HLF: variants seen among roughly 807,000 people sequenced by gnomAD.
HLF encodes the protein hepatic leukemia factor.
In HLF, 3 loss-of-function variants were observed where a neutral mutation model predicts 22.6. That is an observed-to-expected ratio of 0.13 (90% CI 0.06 to 0.34). HLF has a LOEUF of 0.34. Ranked by LOEUF, HLF falls within the 10% of genes least tolerant of loss-of-function variation. The pLI, the probability that HLF is intolerant of heterozygous loss-of-function variation, is 1.00. For synonymous variants in HLF, 151 were observed against 151.8 expected (o/e 0.99, Z 0.04); for missense variants, 299 against 389.2 (o/e 0.77, Z 1.95).
At chr17:55,315,173 G>C in intron 2 of HLF, 54 bp from the exon 3 acceptor site, 2 of 1,345,664 alleles carry the variant, frequency 1.5e-6, no homozygotes, top group Non-Finnish European at 2.1e-6. Flanking sequence ...TTAAGTAGCT[G>C]CCTACTGGGT....
At chr17:55,318,539 C>T (rs1232230682) in intron 3 of HLF, among the ~76,000 whole-genome samples, 1 of 152,120 alleles carries the variant, frequency 6.6e-6, no homozygotes, top group African/African-American at 2.4e-5. Flanking sequence ...AATTGTCTTA[C>T]ACCACATCAA....
chr17:55,305,628 T>C (rs866426897), intron 2 of HLF, among the ~76,000 whole-genome samples: 3 of 152,232 alleles, frequency 2.0e-5, no homozygotes, highest in Non-Finnish European at 4.4e-5. Flanking sequence ...TGTATGACTT[T>C]AAGCAGGTGG....
chr17:55,266,166 G>C (rs1279027873), intron 1 of HLF: 1 of 152,336 alleles, frequency 6.6e-6, no homozygotes, highest in Non-Finnish European at 1.5e-5. Flanking sequence ...TGGGGGCTGG[G>C]GCCGGTGGGG....
rs185364707 is a variant in HLF, at chr17:55,310,998, T to C, written c.452-4229T>C. Among the ~76,000 whole-genome samples, 914 of 152,248 alleles carry C rather than the reference T, an allele frequency of 6.0e-3. 8 individuals carry two copies. Among genetic ancestry groups the C allele is most frequent in the African/African-American group, 0.021 (866 of 41,546 alleles). The stretch of plus-strand genomic sequence containing the variant: ...CCACAAAAAATAAAAATGGAGAGCA[T>C]ACTGTGGGTGTATTCAATATTTTAA... On this transcript the variant is annotated intron_variant, in intron 2 of 3. Coordinates refer to ENST00000226067, the MANE Select transcript of HLF (RefSeq NM_002126.5).
intron 2 of HLF, among the ~76,000 whole-genome samples, chr17:55,304,827 A>G (rs1175750156): frequency 6.6e-6 from 1 of 152,138 alleles, no homozygotes; most frequent in African/African-American, 2.4e-5. Flanking sequence ...CTCCCACTTG[A>G]CAGATAAGGG....
Position 55,267,788 on chromosome 17 carries a change from T to G in HLF, c.153T>G (p.Asp51Glu), listed in dbSNP as rs1321023256. ...SKDKDKEKKL[D>E]DESNSPTVPQ... ...ATAAAGACAAGGAAAAGAAGCTGGA[T>G]GATGAGAGTAACAGCCCGACGGTCC... Residue 51 changes from aspartate (D) to glutamate (E), a missense_variant, in exon 2 of 4, where the codon GAT becomes GAG. This residue lies in a region of HLF where 72 missense variants were observed against 74.0 expected (regional missense o/e 0.97). Transcript: ENST00000226067. 1 of 1,598,924 alleles carries G rather than the reference T, an allele frequency of 6.3e-7. No homozygotes were observed. The highest frequency in any genetic ancestry group is 1.3e-5 in the African/African-American group (1 of 74,532).
chr17:55,267,551 T>G (rs1427617071), intron 1 of HLF, 200 bp from the exon 2 acceptor site: 1 of 526,488 alleles, frequency 1.9e-6, no homozygotes, highest in African/African-American at 1.9e-5. Context: ...CCAAAGTAAA[T>G]AGGAAGATGT....
chr17:55,314,007 T>G (rs1210352489), intron 2 of HLF, among the ~76,000 whole-genome samples: 1 of 152,160 alleles, frequency 6.6e-6, no homozygotes, highest in African/African-American at 2.4e-5. Context: ...TAAAGAATAC[T>G]TCACACATTG....
chr17:55,299,970 C>A (rs1327801945), intron 2 of HLF, among the ~76,000 whole-genome samples: 1 of 152,110 alleles, frequency 6.6e-6, no homozygotes, highest in Non-Finnish European at 1.5e-5. Flanking sequence ...GTAGCTAGGA[C>A]TACGGACACA....
intron 2 of HLF, among the ~76,000 whole-genome samples, chr17:55,289,166 G>T (rs760555669): frequency 3.3e-5 from 5 of 152,196 alleles, no homozygotes; most frequent in Non-Finnish European, 7.3e-5. Context: ...AGAATGGCAT[G>T]TCTCCCCATG....
chr17:55,293,172 T>C (rs2081080642), intron 2 of HLF, among the ~76,000 whole-genome samples: 1 of 152,216 alleles, frequency 6.6e-6, no homozygotes, highest in Non-Finnish European at 1.5e-5. Context: ...TGATCAATGA[T>C]CCCAGTTACT....
rs192622205 is a variant in HLF at position 55,320,113 on chromosome 17, A to G, written c.673-551A>G. ...TTTTTCCTCATTTTTTCTACTGCAC[A>G]TAATGCTGCAGTGAACAGTTTATGC... On this transcript the variant is annotated intron_variant, in intron 3 of 3. Transcript: ENST00000226067. The surrounding 1 kb of genome is among the most constrained non-coding windows in gnomAD (Gnocchi z 4.2). Among the ~76,000 whole-genome samples the G allele has an allele frequency of 4.6e-5, 7 of 152,312 alleles. No individual in the cohort carries two copies. Among genetic ancestry groups the G allele is most frequent in the Admixed American group, 4.6e-4 (7 of 15,306 alleles).
intron 2 of HLF, among the ~76,000 whole-genome samples, chr17:55,269,404 C>G (rs2080831205): frequency 6.6e-6 from 1 of 152,092 alleles, no homozygotes; most frequent in African/African-American, 2.4e-5. Context: ...ATGTGCGGTA[C>G]CACTATCTTC....
At position 55,320,993 on chromosome 17, in the gene HLF, C is replaced by A; in HGVS notation, c.*114C>A. 1 of 759,238 alleles carries A rather than the reference C, an allele frequency of 1.3e-6. No individual in the cohort carries two copies. The highest frequency in any genetic ancestry group is 2.2e-6 in the Non-Finnish European group (1 of 456,780). 47.0% of individuals were successfully genotyped at this position (759,238 alleles called of 1,614,324 possible). On this transcript the variant is annotated 3_prime_UTR_variant, in exon 4 of 4. Transcript: ENST00000226067. This position sits in a 1 kb window ranked among gnomAD's most constrained non-coding sequence, Gnocchi z 4.2. ...CAGCACTTTACCAGAGGCATAAACA[C>A]AACTGACTCCCATTTTGGTGTGCAT... is the stretch of plus-strand genomic sequence containing the variant.
chr17:55,299,141 A>C (rs563907108), intron 2 of HLF, among the ~76,000 whole-genome samples: 3 of 152,354 alleles, frequency 2.0e-5, no homozygotes, highest in Admixed American at 1.3e-4. Context: ...GAGATTGCTC[A>C]CCGTACCCCA....
chr17:55,296,865 C>A (rs1256075740), intron 2 of HLF, among the ~76,000 whole-genome samples: 6 of 151,782 alleles, frequency 4.0e-5, no homozygotes, highest in Non-Finnish European at 5.9e-5. Context: ...AGAGCCCAGG[C>A]CCCATTTTCA....
chr17:55,314,563 C>T (rs1352069763), intron 2 of HLF, among the ~76,000 whole-genome samples: 2 of 152,216 alleles, frequency 1.3e-5, no homozygotes, highest in Non-Finnish European at 1.5e-5. Flanking sequence ...GGCCACATCT[C>T]TTGTGCTTGC....
intron 2 of HLF, among the ~76,000 whole-genome samples, chr17:55,275,479 T>C (rs1446975433): frequency 6.6e-6 from 1 of 152,170 alleles, no homozygotes; most frequent in East Asian, 1.9e-4. Context: ...TTTTTAACAA[T>C]AGACATTAAT....
At chr17:55,268,245 T>C (rs142237220) in intron 2 of HLF, among the ~76,000 whole-genome samples, 159 bp downstream of exon 2, 3 of 152,296 alleles carry the variant, frequency 2.0e-5, no homozygotes, top group East Asian at 3.9e-4. Flanking sequence ...TCTCCCACTT[T>C]AATGAGCATC....
Sources: allele counts gnomAD v4.1 joint callset (sites outside exome capture counted in the v4.1 genomes callset), GRCh38; gene constraint gnomAD v4.1.1; regional missense constraint gnomAD v4.1.1; non-coding constraint Gnocchi (gnomAD v3.1); transcripts MANE v1.5; gene names NCBI Gene and HGNC (gene_info 2026-07-23, HGNC 2026-07-21).